The following NTM variants were observed in gnomAD, a reference collection of about 807,000 sequenced individuals.
NTM encodes the protein neurotrimin.
NTM carries 13 observed loss-of-function variants against 42.1 expected under a neutral mutation model. The observed-to-expected ratio is 0.31, with a 90% CI of 0.20 to 0.49. NTM has a LOEUF of 0.49. Among genes scored for constraint, NTM ranks in the 20% least tolerant of loss-of-function variants. The pLI, the probability that NTM is intolerant of heterozygous loss-of-function variation, is 0.99. For missense variants in NTM, 373 were observed against 452.8 expected, an observed-to-expected ratio of 0.82 and a Z score of 1.60; for synonymous variants, 187 against 179.2, an observed-to-expected ratio of 1.04 and a Z score of -0.35.
intron 1 of NTM, among the ~76,000 whole-genome samples, chr11:131,479,864 A>G (rs1953367582): frequency 6.6e-6 from 1 of 152,186 alleles, no homozygotes; most frequent in South Asian, 2.1e-4. Context: ...TGAAAGCTTG[A>G]GAAGAAATAT....
intron 4 of NTM, among the ~76,000 whole-genome samples, chr11:132,232,259 A>T (rs542780869): frequency 6.6e-6 from 1 of 152,254 alleles, no homozygotes; most frequent in South Asian, 2.1e-4. Flanking sequence ...AGTGTAAATT[A>T]TTTCACCATC....
intron 1 of NTM, among the ~76,000 whole-genome samples, chr11:131,634,077 G>A (rs971539201): frequency 2.0e-5 from 3 of 152,174 alleles, no homozygotes; most frequent in Admixed American, 2.0e-4. Flanking sequence ...CTGAGTTGCA[G>A]ATCTGTTTGC....
chr11:131,740,866 G>T (rs1331464891), intron 1 of NTM, among the ~76,000 whole-genome samples: 2 of 152,136 alleles, frequency 1.3e-5, no homozygotes, highest in Non-Finnish European at 2.9e-5. Context: ...CATTTCCTTG[G>T]ACTTTAAGAG....
chr11:131,685,666 ACT>A lies in NTM; in HGVS notation c.83-225892_83-225891del, dbSNP rs1418722695. Among the ~76,000 whole-genome samples, 7 of 151,902 alleles carry A rather than the reference ACT, an allele frequency of 4.6e-5. No individual in the cohort carries two copies. The East Asian group carries it at 1.4e-3, about 29-fold the overall frequency. On this transcript the variant is annotated intron_variant, in intron 1 of 8. Transcript: ENST00000683400. ...TTCAGTAGACACAGAGCCACAGCAC[ACT>A]CTCTCCTTACCTTTTTTTAAAAAAA...
chr11:131,644,143 C>A (rs1028503496), intron 1 of NTM, among the ~76,000 whole-genome samples: 1 of 152,148 alleles, frequency 6.6e-6, no homozygotes, highest in Non-Finnish European at 1.5e-5. Context: ...GATTCCTTCC[C>A]TTCATCTTCA....
intron 2 of NTM, among the ~76,000 whole-genome samples, chr11:131,936,050 A>C (rs768463040): frequency 2.0e-5 from 3 of 151,618 alleles, no homozygotes; most frequent in African/African-American, 7.3e-5. Context: ...TAAATATCTC[A>C]TCAACTCCTA....
rs74957510 is a variant in NTM, at chr11:131,776,875, G to A, written c.83-134689G>A. On this transcript the variant is annotated intron_variant, in intron 1 of 8. Transcript: ENST00000683400. ...AAAGAAGGAAGAGTAGGAGGCTTTT[G>A]TGTACCAGCCTTGAAGGTGGTACAT... Among the ~76,000 whole-genome samples the A allele has an allele frequency of 6.6e-3, 1,001 of 152,230 alleles. 4 individuals are homozygous for A. Among genetic ancestry groups the A allele is most frequent in the Non-Finnish European group, 0.011 (734 of 68,020 alleles).
At chr11:132,100,804 A>G (rs2061536670) in intron 2 of NTM, among the ~76,000 whole-genome samples, 2 of 152,180 alleles carry the variant, frequency 1.3e-5, no homozygotes, top group Admixed American at 1.3e-4. Flanking sequence ...GAGGTGGGCT[A>G]TCAGCTGTGA....
intron 1 of NTM, among the ~76,000 whole-genome samples, chr11:131,854,751 T>A (rs984156467): frequency 2.0e-5 from 3 of 152,196 alleles, no homozygotes; most frequent in Non-Finnish European, 1.5e-5. Context: ...TAATTTATTG[T>A]ACAAATGCAG....
At chr11:131,613,943 G>T (rs2061677272) in intron 1 of NTM, among the ~76,000 whole-genome samples, 1 of 152,128 alleles carries the variant, frequency 6.6e-6, no homozygotes, top group African/African-American at 2.4e-5. Context: ...GCCTCCCTTT[G>T]TCTGTGAAAT....
intron 1 of NTM, among the ~76,000 whole-genome samples, chr11:131,739,210 A>G (rs1345266794): frequency 6.6e-6 from 1 of 151,076 alleles, no homozygotes; most frequent in East Asian, 1.9e-4. Flanking sequence ...TAAAGAGTCC[A>G]GTGTTAATAG....
rs748857339 is a variant in NTM at position 132,335,040 on chromosome 11, C to T, written c.968-6C>T. 1 of 1,611,656 alleles carries T rather than the reference C, an allele frequency of 6.2e-7. No individual in the cohort carries two copies. Among genetic ancestry groups the T allele is most frequent in the East Asian group, 2.2e-5 (1 of 44,816 alleles). On this transcript the variant is annotated splice_polypyrimidine_tract_variant and splice_region_variant and intron_variant, in intron 8 of 8. Transcript: ENST00000683400. ...ACCACTCACGGCGAGTGTGTTCTCT[C>T]CACAGGTCCAGGCGCCGTCAGCGAG... is the stretch of plus-strand genomic sequence containing the variant.
At chr11:131,967,107 T>A (rs905442669) in intron 2 of NTM, among the ~76,000 whole-genome samples, 1 of 152,136 alleles carries the variant, frequency 6.6e-6, no homozygotes, top group Admixed American at 6.5e-5. Context: ...CACATTAAGA[T>A]GAAATGAGTG....
chr11:131,871,637 A>G (rs2047795430), intron 1 of NTM, among the ~76,000 whole-genome samples: 2 of 152,208 alleles, frequency 1.3e-5, no homozygotes, highest in Admixed American at 1.3e-4. Context: ...CTTTGCATTT[A>G]TGGGCTTGTT....
intron 2 of NTM, among the ~76,000 whole-genome samples, chr11:132,008,599 G>A (rs1194052557): frequency 6.6e-6 from 1 of 151,802 alleles, no homozygotes; most frequent in African/African-American, 2.4e-5. Context: ...TGAGGGGTTT[G>A]GAGCCTCTGT....
At chr11:131,822,105 G>T (rs2093213978) in intron 1 of NTM, among the ~76,000 whole-genome samples, 1 of 151,940 alleles carries the variant, frequency 6.6e-6, no homozygotes, top group East Asian at 1.9e-4. Context: ...ATGCTCCCAG[G>T]CACATAAAGT....
intron 2 of NTM, among the ~76,000 whole-genome samples, chr11:132,133,680 G>A (rs570859931): frequency 6.6e-6 from 1 of 152,306 alleles, no homozygotes; most frequent in Non-Finnish European, 1.5e-5. Context: ...TTATATGTCT[G>A]ATGGTGAGAA....
At chr11:131,407,316 C>A (rs993956653) in intron 1 of NTM, among the ~76,000 whole-genome samples, 4 of 152,178 alleles carry the variant, frequency 2.6e-5, no homozygotes, top group Admixed American at 6.5e-5. Flanking sequence ...AAAACAGTGT[C>A]ACAAAAGACA....
In NTM at chr11:132,225,008, C is replaced by T. The variant is rs1043068676; in HGVS notation, c.526+12861C>T. Among the ~76,000 whole-genome samples the T allele has an allele frequency of 3.9e-5, 6 of 152,096 alleles. 1 individual carries two copies. The highest frequency in any genetic ancestry group is 2.0e-4 in the Admixed American group (3 of 15,272). ...GCCTGCTGATCCATGTGGGTTAGCTCTCTTTTCTACAAAAATGATCATAAC... is the reference window on the plus strand; with the variant it reads ...GCCTGCTGATCCATGTGGGTTAGCTTTCTTTTCTACAAAAATGATCATAAC... On this transcript the variant is annotated intron_variant, in intron 4 of 8. Transcript: ENST00000683400.
Sources: gnomAD v4.1 joint callset for allele counts (sites outside exome capture counted in the v4.1 genomes callset) on GRCh38, gnomAD v4.1.1 for gene constraint, MANE v1.5 for transcripts, NCBI Gene and HGNC (gene_info 2026-07-23, HGNC 2026-07-21) for gene names.